CENPO: variants seen among roughly 807,000 people sequenced by gnomAD.
CENPO encodes centromere protein O.
In CENPO, 30 loss-of-function variants were observed where a neutral mutation model predicts 36.1. The observed-to-expected ratio is 0.83, with a 90% CI of 0.62 to 1.13. The LOEUF is 1.13. Among genes scored for constraint, CENPO ranks in the 50% most tolerant of loss-of-function variants. CENPO has a pLI of 0.00. For missense variants in CENPO, 349 were observed against 357.8 expected, an observed-to-expected ratio of 0.98 and a Z score of 0.20; for synonymous variants, 171 against 142.3, an observed-to-expected ratio of 1.20 and a Z score of -1.44.
intron 6 of CENPO, among the ~76,000 whole-genome samples, chr2:24,817,020 C>G (rs1666965520): frequency 6.6e-6 from 1 of 152,104 alleles, no homozygotes; most frequent in Admixed American, 6.5e-5. Context: ...CATGATTGTC[C>G]CCATTTTCCC....
In CENPO at chr2:24,819,794, C is replaced by T. The variant is rs1228975322; in HGVS notation, c.*476C>T. The stretch of plus-strand genomic sequence containing the variant: ...GCCACCCTCAGAGCTCACACATCCA[C>T]GAACAAATGAAGGCTGAGGAGGTTT... On this transcript the variant is annotated 3_prime_UTR_variant, in exon 8 of 8. Coordinates refer to ENST00000380834, the MANE Select transcript of CENPO (RefSeq NM_001322101.2). 1.4e-5 allele frequency: 13 copies of T among 922,250 alleles called. No homozygotes were observed. The highest frequency in any genetic ancestry group is 5.1e-5 in the African/African-American group (3 of 59,196). The allele number at this position is 922,250 out of a possible 1,614,324, so 57.1% of individuals were successfully genotyped here. A position where few individuals can be genotyped will look rare whatever the true frequency, so the allele number is the denominator to read the frequency against.
At chr2:24,809,373 A>C (rs1051839152) in intron 3 of CENPO, among the ~76,000 whole-genome samples, 6 of 151,000 alleles carry the variant, frequency 4.0e-5, no homozygotes, top group Non-Finnish European at 8.9e-5. Context: ...TTCTTCCATT[A>C]CTCTCTGAAT....
intron 2 of CENPO, among the ~76,000 whole-genome samples, chr2:24,796,294 C>T (rs944089401): frequency 6.6e-6 from 1 of 152,106 alleles, no homozygotes; most frequent in African/African-American, 2.4e-5. Context: ...GTAGAGGTTG[C>T]AGTGAGCTGA....
In CENPO at chr2:24,821,700, C is replaced by T; in HGVS notation, c.*2382C>T. 2 of 1,587,480 alleles carry T rather than the reference C, an allele frequency of 1.3e-6. No homozygotes were observed. The highest frequency in any genetic ancestry group is 2.3e-5 in the South Asian group (2 of 88,170). On this transcript the variant is annotated 3_prime_UTR_variant, in exon 8 of 8. Coordinates refer to ENST00000380834, the MANE Select transcript of CENPO (RefSeq NM_001322101.2). The stretch of plus-strand genomic sequence containing the variant: ...CCGCTCACTGCAGCAGCCTGCTCTG[C>T]TGCCTTCCCTGGCAGTGTTCTGGGG...
Position 24,793,482 on chromosome 2 carries a change from A to T in CENPO, c.-88A>T. 1.2e-6 allele frequency: 2 copies of T among 1,602,804 alleles called. No homozygotes were observed. The highest frequency in any genetic ancestry group is 1.7e-6 in the Non-Finnish European group (2 of 1,174,342). ...TGGTTTTGAAGACGTGGATGGCGGG[A>T]ATTCTCGCTTCTGGCCTGGGTGAGC... On this transcript the variant is annotated 5_prime_UTR_variant, in exon 1 of 8. Coordinates refer to ENST00000380834, the MANE Select transcript of CENPO (RefSeq NM_001322101.2).
rs983608378 is a variant in CENPO at position 24,821,131 on chromosome 2, C to T, written c.*1813C>T. 9 of 454,100 alleles carry T rather than the reference C, an allele frequency of 2.0e-5. No homozygotes were observed. The highest frequency in any genetic ancestry group is 1.4e-4 in the African/African-American group (7 of 50,306). The allele number at this position is 454,100 out of a possible 1,614,324, so 28.1% of individuals were successfully genotyped here. ...GTATTTCAAGTCTCCTGGGACCTCA[C>T]TCAGGAATGATACCCCCTCAGTAGA... On this transcript the variant is annotated 3_prime_UTR_variant, in exon 8 of 8. Transcript: ENST00000380834.
At chr2:24,807,803 A>G (rs1666487491) in intron 3 of CENPO, among the ~76,000 whole-genome samples, 1 of 152,212 alleles carries the variant, frequency 6.6e-6, no homozygotes, top group Non-Finnish European at 1.5e-5. Flanking sequence ...TGCTATTGTC[A>G]GTTTTAAAAA....
At position 24,820,289 on chromosome 2, in the gene CENPO, A is replaced by G; in HGVS notation, c.*971A>G. On this transcript the variant is annotated 3_prime_UTR_variant, in exon 8 of 8. Transcript: ENST00000380834. ...CCACCCGTGGCGAGCAGCGGGTGGGAAGGAGAACCCTGGAGTGACTGGCTG... is the reference window on the plus strand; with the variant it reads ...CCACCCGTGGCGAGCAGCGGGTGGGGAGGAGAACCCTGGAGTGACTGGCTG... 1.6e-6 allele frequency: 2 copies of G among 1,284,794 alleles called. No homozygotes were observed. Among genetic ancestry groups the G allele is most frequent in the Non-Finnish European group, 2.0e-6 (2 of 993,654 alleles). 79.6% of individuals were successfully genotyped at this position (1,284,794 alleles called of 1,614,324 possible).
intron 7 of CENPO, 88 bp downstream of exon 7, chr2:24,817,929 C>A: frequency 9.3e-7 from 1 of 1,073,122 alleles, no homozygotes; most frequent in Non-Finnish European, 1.3e-6. Context: ...CAGACACCTA[C>A]CTGTTCATCT....
chr2:24,799,100 A>G (rs925120039), intron 2 of CENPO, among the ~76,000 whole-genome samples: 3 of 148,230 alleles, frequency 2.0e-5, no homozygotes, highest in Non-Finnish European at 4.5e-5. Flanking sequence ...CCTGGATTCA[A>G]ACAATTCTGC....
At chr2:24,818,814 C>A (rs547311831) in intron 7 of CENPO, among the ~76,000 whole-genome samples, 1 of 152,364 alleles carries the variant, frequency 6.6e-6, no homozygotes, top group East Asian at 1.9e-4. Context: ...GATATGAAAA[C>A]CTGTGTCTGG....
At chr2:24,815,831 T>G (rs1666916984) in intron 5 of CENPO, 75 bp downstream of exon 5, 2 of 1,414,466 alleles carry the variant, frequency 1.4e-6, no homozygotes, top group African/African-American at 2.8e-5. Context: ...TTTTGTATTT[T>G]CAGTGTTTCC....
chr2:24,797,180 A>G (rs7559890), intron 2 of CENPO, among the ~76,000 whole-genome samples: 3 of 152,032 alleles, frequency 2.0e-5, no homozygotes, highest in Admixed American at 1.3e-4. Flanking sequence ...CTAGGAATGT[A>G]TATTCAATAG....
rs1667522184 is a variant in CENPO at position 24,820,791 on chromosome 2, T to G, written c.*1473T>G. On this transcript the variant is annotated 3_prime_UTR_variant, in exon 8 of 8. Coordinates refer to ENST00000380834, the MANE Select transcript of CENPO (RefSeq NM_001322101.2). The stretch of plus-strand genomic sequence containing the variant: ...TACATTGACTGTATTGCCCCAGATG[T>G]CGTAGTGTGGTTTCCGGGCTCCGAT... 1.2e-6 allele frequency: 2 copies of G among 1,613,974 alleles called. No individual in the cohort carries two copies. Among genetic ancestry groups the G allele is most frequent in the Non-Finnish European group, 1.7e-6 (2 of 1,180,010 alleles).
intron 3 of CENPO, among the ~76,000 whole-genome samples, chr2:24,803,703 A>C (rs1308761301): frequency 6.6e-6 from 1 of 152,106 alleles, no homozygotes; most frequent in East Asian, 1.9e-4. Context: ...ACAGTTTGTT[A>C]TAATTTCTGT....
intron 4 of CENPO, 40 bp downstream of exon 4, chr2:24,814,533 C>A: frequency 1.1e-6 from 1 of 927,136 alleles, no homozygotes; most frequent in African/African-American, 1.6e-5. Flanking sequence ...TCTGGGTCTG[C>A]CTCTAGTGAG....
rs768154055 is a variant in CENPO, at chr2:24,821,731, T to C, written c.*2413T>C. ...TCCCTGGCAGTGTTCTGGGGGTGGATTCCCTACACCTAGATGTTCAAGGCC... is the reference window on the plus strand; with the variant it reads ...TCCCTGGCAGTGTTCTGGGGGTGGACTCCCTACACCTAGATGTTCAAGGCC... On this transcript the variant is annotated 3_prime_UTR_variant, in exon 8 of 8. Coordinates refer to ENST00000380834, the MANE Select transcript of CENPO (RefSeq NM_001322101.2). The C allele has an allele frequency of 3.9e-6, 6 of 1,538,682 alleles. No homozygotes were observed. Among genetic ancestry groups the C allele is most frequent in the Non-Finnish European group, 5.3e-6 (6 of 1,138,190 alleles).
In CENPO at chr2:24,821,477, A is replaced by AG; in HGVS notation, c.*2162dup. On this transcript the variant is annotated 3_prime_UTR_variant, in exon 8 of 8. Transcript: ENST00000380834. Reference sequence around the variant, plus strand: ...TGGTGGGCCAGGCCCCTGCATGGGAAGGGAGCCTGCTGCGGGGCAGGCCAG... The same window carrying AG: ...TGGTGGGCCAGGCCCCTGCATGGGAAGGGGAGCCTGCTGCGGGGCAGGCCAG... 1 of 1,608,462 alleles carries AG rather than the reference A, an allele frequency of 6.2e-7. No homozygotes were observed. Among genetic ancestry groups the AG allele is most frequent in the Non-Finnish European group, 8.5e-7 (1 of 1,176,644 alleles).
Position 24,821,054 on chromosome 2 carries a change from C to CG in CENPO, c.*1736_*1737insG, listed in dbSNP as rs372861677. 360 of 654,346 alleles carry CG rather than the reference C, an allele frequency of 5.5e-4. 1 individual carries two copies. In the African/African-American group the frequency reaches 5.9e-3, roughly 11 times the overall value. 40.5% of individuals were successfully genotyped at this position (654,346 alleles called of 1,614,324 possible). On this transcript the variant is annotated 3_prime_UTR_variant, in exon 8 of 8. Coordinates refer to ENST00000380834, the MANE Select transcript of CENPO (RefSeq NM_001322101.2). ...TGTTAGGTGTCAGCCGCCACCCCCC[C>CG]CCCATATGCAGATTTACTCGGCATG...
Sources: allele counts gnomAD v4.1 joint callset (sites outside exome capture counted in the v4.1 genomes callset), GRCh38; gene constraint gnomAD v4.1.1; transcripts MANE v1.5; gene names NCBI Gene and HGNC (gene_info 2026-07-23, HGNC 2026-07-21).